FBXO42: variants seen among roughly 807,000 people sequenced by gnomAD.
FBXO42 encodes F-box only protein 42.
Under a neutral mutation model 71.7 loss-of-function variants are expected in FBXO42, and 12 were observed. The ratio of observed to expected loss-of-function variants is 0.17; its 90% CI spans 0.11 to 0.27. The LOEUF (loss-of-function observed/expected upper bound fraction) is 0.27. Among genes scored for constraint, FBXO42 ranks in the 10% least tolerant of loss-of-function variants. The pLI is 1.00. For missense variants in FBXO42, 707 were observed against 911.9 expected, an observed-to-expected ratio of 0.78 and a Z score of 2.89; for synonymous variants, 325 against 327.5, an observed-to-expected ratio of 0.99 and a Z score of 0.08.
intron 2 of FBXO42, among the ~76,000 whole-genome samples, chr1:16,309,292 TG>T (rs1350864329): frequency 6.6e-6 from 1 of 150,852 alleles, no homozygotes; most frequent in Non-Finnish European, 1.5e-5. Context: ...TTGGCCAGGA[TG>T]GTCTCAATCT....
chr1:16,332,243 C>T (rs1452553189), intron 1 of FBXO42, among the ~76,000 whole-genome samples: 1 of 152,092 alleles, frequency 6.6e-6, no homozygotes, highest in African/African-American at 2.4e-5. Flanking sequence ...ATCACATACA[C>T]TGAGAGCTTT....
At chr1:16,308,497 T>C (rs1018255162) in intron 2 of FBXO42, among the ~76,000 whole-genome samples, 9 of 142,016 alleles carry the variant, frequency 6.3e-5, no homozygotes, top group African/African-American at 1.4e-4. Context: ...CATCTCTCTT[T>C]TTTTTTTTTT....
At chr1:16,256,001 C>T (rs2081639213) in intron 5 of FBXO42, among the ~76,000 whole-genome samples, 180 bp from the exon 6 acceptor site, 1 of 152,202 alleles carries the variant, frequency 6.6e-6, no homozygotes, top group Non-Finnish European at 1.5e-5. Flanking sequence ...TTAAAGTTAT[C>T]TTCTTTCAAG....
At chr1:16,301,818 T>C (rs1352503340) in intron 3 of FBXO42, among the ~76,000 whole-genome samples, 6 of 152,090 alleles carry the variant, frequency 3.9e-5, no homozygotes, top group African/African-American at 1.4e-4. Context: ...ACATATATTT[T>C]AATTTTAAAT....
chr1:16,261,898 GA>G (rs2081718462), intron 4 of FBXO42, among the ~76,000 whole-genome samples: 1 of 151,968 alleles, frequency 6.6e-6, no homozygotes, highest in Non-Finnish European at 1.5e-5. Flanking sequence ...ATTTTTAGTA[GA>G]GGCAGGGTTT....
intron 1 of FBXO42, among the ~76,000 whole-genome samples, chr1:16,333,423 G>A (rs995989951): frequency 2.8e-5 from 4 of 144,776 alleles, no homozygotes; most frequent in African/African-American, 1.0e-4. Context: ...GACCAGCCTG[G>A]GCAAATAGTG....
In FBXO42 at chr1:16,252,463, C is replaced by T; in HGVS notation, c.922-59G>A. ...TGTGATATGCGTTCCAAAACACACA[C>T]ACACAGAGTTGCAGTCTCAAAGCTC... On this transcript the variant is annotated intron_variant, in intron 8 of 9. Coordinates refer to ENST00000375592, the MANE Select transcript of FBXO42 (RefSeq NM_018994.3). The surrounding 1 kb of genome is among the most constrained non-coding windows in gnomAD (Gnocchi z 4.4). The T allele has an allele frequency of 7.6e-7, 1 of 1,317,582 alleles. No individual in the cohort carries two copies. 81.6% of individuals were successfully genotyped at this position (1,317,582 alleles called of 1,614,324 possible).
Position 16,315,355 on chromosome 1 carries a change from G to A in FBXO42, c.64C>T (p.Leu22=). Residue 22 remains leucine, a synonymous_variant, in exon 2 of 10, where the codon CTG becomes TTG. Transcript: ENST00000375592. The part of the protein sequence containing the change: ...FMAVDQEETV[L]EGTMDQDEEP... ...TCATCTTGATCCATTGTCCCTTCCA[G>A]CACAGTTTCTTCCTGGTCCACAGCC... The A allele has an allele frequency of 6.2e-7, 1 of 1,614,082 alleles. No individual in the cohort carries two copies. The highest frequency in any genetic ancestry group is 2.2e-5 in the East Asian group (1 of 44,888).
intron 4 of FBXO42, among the ~76,000 whole-genome samples, chr1:16,288,881 C>T (rs2082048936): frequency 6.6e-6 from 1 of 151,708 alleles, no homozygotes; most frequent in African/African-American, 2.4e-5. Flanking sequence ...TTGCTTGAAC[C>T]CGGGAGGCAG....
intron 2 of FBXO42, among the ~76,000 whole-genome samples, chr1:16,308,368 T>C (rs11806312): frequency 0.027 from 4,048 of 152,170 alleles, 185 homozygotes; most frequent in African/African-American, 0.09. Flanking sequence ...CCTGTGGTCC[T>C]AGCTACATGA....
At position 16,321,381 on chromosome 1, in the gene FBXO42, G is replaced by A. The variant is rs540565836; in HGVS notation, c.-17-5946C>T. ...CTCATATTCCCCCAAGGATATAGAGGCATTTTGAAACTCTGAGTTTTTCTT... is the reference window on the plus strand; with the variant it reads ...CTCATATTCCCCCAAGGATATAGAGACATTTTGAAACTCTGAGTTTTTCTT... On this transcript the variant is annotated intron_variant, in intron 1 of 9. Coordinates refer to ENST00000375592, the MANE Select transcript of FBXO42 (RefSeq NM_018994.3). Among the ~76,000 whole-genome samples the A allele has an allele frequency of 6.6e-5, 10 of 152,268 alleles. No individual in the cohort carries two copies. The South Asian group carries it at 2.1e-3, about 32-fold the overall frequency.
At chr1:16,346,803 G>A (rs1227610968) in intron 1 of FBXO42, among the ~76,000 whole-genome samples, 3 of 146,498 alleles carry the variant, frequency 2.0e-5, no homozygotes, top group Non-Finnish European at 4.5e-5. Context: ...CGCCCAGGCT[G>A]GAGGGCAGTG....
chr1:16,271,258 GGTGTGT>G (rs57827739), intron 4 of FBXO42, among the ~76,000 whole-genome samples: 18,990 of 137,344 alleles, frequency 0.14, 1,331 homozygotes, highest in African/African-American at 0.17. Flanking sequence ...TGTGTGTGTT[GGTGTGT>G]GTGTGTGTGT....
rs1242322673 is a variant in FBXO42 at position 16,250,901 on chromosome 1, G to A, written c.1923C>T (p.Cys641=). 1 of 1,614,146 alleles carries A rather than the reference G, an allele frequency of 6.2e-7. No homozygotes were observed. The highest frequency in any genetic ancestry group is 1.3e-5 in the African/African-American group (1 of 75,022). ...VGKPLYQSMN[C]KPMQMYVLDI... is the part of the protein sequence containing the mutation. ...CCAGCACGTACATCTGCATGGGCTTGCAGTTCATACTCTGGTATAGGGGTT... is the reference window on the plus strand; with the variant it reads ...CCAGCACGTACATCTGCATGGGCTTACAGTTCATACTCTGGTATAGGGGTT... Residue 641 remains cysteine (C), a synonymous_variant, in exon 10 of 10, where the codon TGC becomes TGT. Transcript: ENST00000375592. This position sits in a 1 kb window ranked among gnomAD's most constrained non-coding sequence, Gnocchi z 4.7.
At chr1:16,265,186 C>G (rs1479015090) in intron 4 of FBXO42, among the ~76,000 whole-genome samples, 3 of 152,164 alleles carry the variant, frequency 2.0e-5, no homozygotes, top group African/African-American at 7.2e-5. Context: ...CTCTGCCTCC[C>G]AGTTTCAACG....
At chr1:16,344,915 C>G (rs919272560) in intron 1 of FBXO42, among the ~76,000 whole-genome samples, 1 of 147,512 alleles carries the variant, frequency 6.8e-6, no homozygotes, top group African/African-American at 2.5e-5. Context: ...CCTGGCCAAC[C>G]TGGTGAAACC....
chr1:16,259,936 C>T (rs943801233), intron 4 of FBXO42, among the ~76,000 whole-genome samples: 5 of 152,104 alleles, frequency 3.3e-5, no homozygotes, highest in Non-Finnish European at 7.4e-5. Flanking sequence ...TCACCACTGG[C>T]CACATGTTGC....
intron 2 of FBXO42, 81 bp from the exon 3 acceptor site, chr1:16,306,000 T>C (rs1015005087): frequency 1.0e-5 from 10 of 973,148 alleles, no homozygotes; most frequent in Non-Finnish European, 1.6e-5. Context: ...ATTACCTGTT[T>C]TTATCATTTT....
intron 4 of FBXO42, among the ~76,000 whole-genome samples, chr1:16,260,209 CTTTTTTT>C (rs35806590): frequency 8.0e-6 from 1 of 125,414 alleles, no homozygotes; most frequent in Non-Finnish European, 1.7e-5. Flanking sequence ...TACTATGCAG[CTTTTTTT>C]TTTTTTTTTT....
Sources: allele counts gnomAD v4.1 joint callset (sites outside exome capture counted in the v4.1 genomes callset), GRCh38; gene constraint gnomAD v4.1.1; non-coding constraint Gnocchi (gnomAD v3.1); transcripts MANE v1.5; gene names NCBI Gene and HGNC (gene_info 2026-07-23, HGNC 2026-07-21).